The following CTTNBP2NL variants were observed in gnomAD, a reference collection of about 807,000 sequenced individuals.
The protein encoded by CTTNBP2NL is CTTNBP2 N-terminal like.
CTTNBP2NL carries 16 observed loss-of-function variants against 32.5 expected under a neutral mutation model. That is an observed-to-expected ratio of 0.49 (90% CI 0.33 to 0.75). The LOEUF (loss-of-function observed/expected upper bound fraction) is 0.75. Among genes scored for constraint, CTTNBP2NL ranks in the 30% least tolerant of loss-of-function variants. The pLI, the probability that CTTNBP2NL is intolerant of heterozygous loss-of-function variation, is 0.02. For missense variants in CTTNBP2NL, 645 were observed against 756.0 expected, an observed-to-expected ratio of 0.85 and a Z score of 1.72; for synonymous variants, 298 against 289.4, an observed-to-expected ratio of 1.03 and a Z score of -0.30.
intron 3 of CTTNBP2NL, among the ~76,000 whole-genome samples, chr1:112,422,179 T>C (rs1443407109): frequency 6.6e-6 from 1 of 152,166 alleles, no homozygotes; most frequent in Non-Finnish European, 1.5e-5. Context: ...CTGATCTGCT[T>C]TCTGTCATCA....
chr1:112,420,636 G>C lies in CTTNBP2NL; in HGVS notation c.99+4372G>C, dbSNP rs1338410434. ...GGGGCATGCCACTATACCTGGCTAA[G>C]TTTTGTATTTTTTGTAGAGACAGGG... On this transcript the variant is annotated intron_variant, in intron 3 of 5. Coordinates refer to ENST00000271277, the MANE Select transcript of CTTNBP2NL (RefSeq NM_018704.3). Among the ~76,000 whole-genome samples, 3 of 151,832 alleles carry C rather than the reference G, an allele frequency of 2.0e-5. No homozygotes were observed. The South Asian group carries it at 6.3e-4, about 32-fold the overall frequency.
intron 3 of CTTNBP2NL, among the ~76,000 whole-genome samples, chr1:112,420,497 TA>T (rs1471783600): frequency 1.3e-5 from 2 of 151,596 alleles, no homozygotes; most frequent in Non-Finnish European, 2.9e-5. Context: ...GACAGAGTCT[TA>T]CTCTGTCGCC....
chr1:112,432,135 A>AT (rs1649584748), intron 3 of CTTNBP2NL, among the ~76,000 whole-genome samples: 1 of 130,802 alleles, frequency 7.6e-6, no homozygotes, highest in Non-Finnish European at 1.5e-5. Flanking sequence ...GTGCAGTGGC[A>AT]TGATCTCAGC....
At chr1:112,452,516 G>A (rs1490198315) in intron 4 of CTTNBP2NL, among the ~76,000 whole-genome samples, 2 of 148,428 alleles carry the variant, frequency 1.3e-5, no homozygotes, top group African/African-American at 5.0e-5. Flanking sequence ...GGCTAATTTT[G>A]TATTTTTAGT....
chr1:112,451,755 G>C (rs1650225133), intron 4 of CTTNBP2NL, among the ~76,000 whole-genome samples: 1 of 138,088 alleles, frequency 7.2e-6, no homozygotes, highest in Non-Finnish European at 1.5e-5. Context: ...GGGTGACAGA[G>C]CAAGACTGTC....
intron 3 of CTTNBP2NL, among the ~76,000 whole-genome samples, chr1:112,420,499 C>G (rs140778206): frequency 2.8e-4 from 42 of 151,924 alleles, no homozygotes; most frequent in African/African-American, 9.7e-4. Flanking sequence ...CAGAGTCTTA[C>G]TCTGTCGCCT....
At chr1:112,407,840 CTTTTTTTT>C (rs869134559) in intron 1 of CTTNBP2NL, among the ~76,000 whole-genome samples, 1 of 96,050 alleles carries the variant, frequency 1.0e-5, no homozygotes, top group Admixed American at 1.4e-4. Context: ...TTTTTTCTTT[CTTTTTTTT>C]TTTTTTTTTT....
intron 3 of CTTNBP2NL, among the ~76,000 whole-genome samples, chr1:112,431,953 A>C (rs940130722): frequency 3.9e-5 from 6 of 152,080 alleles, no homozygotes; most frequent in African/African-American, 1.4e-4. Context: ...TAAAAAACTT[A>C]AATTAGAAAA....
intron 4 of CTTNBP2NL, among the ~76,000 whole-genome samples, chr1:112,452,585 C>G (rs527248338): frequency 1.3e-5 from 2 of 150,254 alleles, no homozygotes; most frequent in African/African-American, 4.9e-5. Flanking sequence ...CTCAGGTGAT[C>G]CACCTGCTTT....
intron 3 of CTTNBP2NL, among the ~76,000 whole-genome samples, chr1:112,421,004 T>G (rs965008945): frequency 6.6e-6 from 1 of 152,220 alleles, no homozygotes; most frequent in Non-Finnish European, 1.5e-5. Flanking sequence ...TAAAATGTTA[T>G]GGTTATTACG....
At chr1:112,408,220 A>ATTTTTTTTTTTTTTTTTTTTTTTTTTTTT (rs397981257) in intron 1 of CTTNBP2NL, among the ~76,000 whole-genome samples, 2 of 103,744 alleles carry the variant, frequency 1.9e-5, no homozygotes, top group African/African-American at 8.6e-5. Flanking sequence ...TTTTTTTTTA[A>ATTTTTTTTTTTTTTTTTTTTTTTTTTTTT]TTTTTTTTTT....
intron 1 of CTTNBP2NL, among the ~76,000 whole-genome samples, chr1:112,407,915 C>T (rs1293706324): frequency 3.8e-5 from 5 of 130,064 alleles, no homozygotes; most frequent in Admixed American, 1.0e-4. Context: ...CGTAATCTTG[C>T]CTCACTGCAA....
intron 3 of CTTNBP2NL, among the ~76,000 whole-genome samples, chr1:112,423,886 G>A (rs541967824): frequency 6.6e-6 from 1 of 152,202 alleles, no homozygotes; most frequent in Non-Finnish European, 1.5e-5. Context: ...ATCATACCCG[G>A]CTAATTTTTT....
At chr1:112,424,973 G>C (rs1251779791) in intron 3 of CTTNBP2NL, among the ~76,000 whole-genome samples, 1 of 150,528 alleles carries the variant, frequency 6.6e-6, no homozygotes, top group Admixed American at 6.6e-5. Flanking sequence ...ACACCACAAC[G>C]CCCAGCTAAA....
At chr1:112,421,427 A>G (rs1649229305) in intron 3 of CTTNBP2NL, among the ~76,000 whole-genome samples, 1 of 150,776 alleles carries the variant, frequency 6.6e-6, no homozygotes, top group African/African-American at 2.4e-5. Flanking sequence ...CAGCCTCCCA[A>G]GTAGCTGGGA....
At chr1:112,395,267 T>A (rs1648286504), upstream of CTTNBP2NL, among the ~76,000 whole-genome samples, 4 of 152,232 alleles carry the variant, frequency 2.6e-5, no homozygotes. Context: ...ACCAGCTGCA[T>A]CAATCTGTGA....
At chr1:112,420,362 T>G (rs2492515) in intron 3 of CTTNBP2NL, among the ~76,000 whole-genome samples, 77,944 of 151,826 alleles carry the variant, frequency 0.51, 22,428 homozygotes, top group South Asian at 0.7. Context: ...GCCAGGCTGG[T>G]CTTGAACTCC....
At chr1:112,420,337 G>T (rs1649192569) in intron 3 of CTTNBP2NL, among the ~76,000 whole-genome samples, 3 of 151,548 alleles carry the variant, frequency 2.0e-5, no homozygotes, top group Non-Finnish European at 4.4e-5. Context: ...ATAGAGATGG[G>T]GTTTTACCGT....
chr1:112,397,115 G>A (rs569932688), intron 1 of CTTNBP2NL, among the ~76,000 whole-genome samples: 30 of 152,218 alleles, frequency 2.0e-4, no homozygotes, highest in Non-Finnish European at 2.1e-4. Context: ...GGGTGTGTTG[G>A]ATATCTGCAG....
Sources: allele counts gnomAD v4.1 joint callset (sites outside exome capture counted in the v4.1 genomes callset), GRCh38; gene constraint gnomAD v4.1.1; transcripts MANE v1.5; gene names NCBI Gene and HGNC (gene_info 2026-07-23, HGNC 2026-07-21).